The following TULP4 variants were observed in gnomAD, a reference collection of about 807,000 sequenced individuals.
TULP4 encodes TUB like protein 4.
A neutral mutation model predicts 129.0 loss-of-function variants in TULP4; 16 were observed. The ratio of observed to expected loss-of-function variants is 0.12; its 90% CI spans 0.08 to 0.19. The LOEUF is 0.19. Among genes scored for constraint, TULP4 ranks in the 10% least tolerant of loss-of-function variants. The pLI is 1.00. For synonymous variants in TULP4, 998 were observed against 854.0 expected, an observed-to-expected ratio of 1.17 and a Z score of -2.94; for missense variants, 1,842 against 2,059.1, an observed-to-expected ratio of 0.89 and a Z score of 2.04.
chr6:158,345,750 C>T (rs1440915710), intron 1 of TULP4, among the ~76,000 whole-genome samples: 1 of 152,186 alleles, frequency 6.6e-6, no homozygotes, highest in Non-Finnish European at 1.5e-5. Flanking sequence ...TCTTGATAAA[C>T]ATCTTAACAG....
chr6:158,415,673 A>T (rs1216834085), intron 2 of TULP4, among the ~76,000 whole-genome samples: 1 of 140,850 alleles, frequency 7.1e-6, no homozygotes, highest in Non-Finnish European at 1.5e-5. Flanking sequence ...TCTACTTATT[A>T]AAAAAAAAAA....
chr6:158,449,117 T>C lies in TULP4; in HGVS notation c.665T>C (p.Phe222Ser). 6.2e-7 allele frequency: 1 copy of C among 1,614,096 alleles called. No individual in the cohort carries two copies. Among genetic ancestry groups the C allele is most frequent in the South Asian group, 1.1e-5 (1 of 91,062 alleles). The change falls in exon 4 of 14, where the codon TTC (phenylalanine) becomes TCC (serine). Residue 222 changes from phenylalanine to serine, a missense_variant. Phe to Ser is a radical substitution (Grantham distance 155). This residue lies in a region of TULP4 where 456 missense variants were observed against 534.3 expected (regional missense o/e 0.85). Transcript: ENST00000367097. Reference protein sequence around the residue: ...VLGMSWNYPIFLVEDSSESDT... With the variant: ...VLGMSWNYPISLVEDSSESDT... ...GGCATGTCCTGGAACTACCCGATCT[T>C]CCTGGTGGAGGACAGCAGCGAGAGC...
At chr6:158,444,403 A>T (rs943121149) in intron 3 of TULP4, among the ~76,000 whole-genome samples, 1 of 151,962 alleles carries the variant, frequency 6.6e-6, no homozygotes, top group Non-Finnish European at 1.5e-5. Flanking sequence ...AGGGATTTGC[A>T]ATCAGTTTTT....
In TULP4 at chr6:158,300,398, T is replaced by C. The variant is rs973942672; in HGVS notation, n.117-11653T>C. 2.0e-4 allele frequency among the ~76,000 whole-genome samples: 31 copies of C among 152,316 alleles called. 1 individual carries two copies. Among genetic ancestry groups the C allele is most frequent in the Admixed American group, 1.9e-3 (29 of 15,296 alleles). ...AGTTTAAAGTAAACAATGCTAAATG[T>C]AACTGGGAGTGGGGAGTGGTTAAAT... On this transcript the variant is annotated intron_variant and non_coding_transcript_variant, in intron 1 of 1. Transcript: ENST00000432358.
chr6:158,363,731 C>G (rs992498441), intron 1 of TULP4, among the ~76,000 whole-genome samples: 1 of 151,982 alleles, frequency 6.6e-6, no homozygotes, highest in African/African-American at 2.4e-5. Flanking sequence ...GGTGATCCAC[C>G]CCCCCGGCCT....
intron 12 of TULP4, 62 bp downstream of exon 12, chr6:158,498,874 G>A (rs1387324788): frequency 4.4e-6 from 7 of 1,587,574 alleles, no homozygotes; most frequent in Non-Finnish European, 6.0e-6. Flanking sequence ...ATGCAAGGGG[G>A]ACAGAGCGGC....
intron 1 of TULP4, among the ~76,000 whole-genome samples, chr6:158,317,262 A>G (rs1779512546): frequency 6.6e-6 from 1 of 151,830 alleles, no homozygotes. Context: ...GGTTTGCTGC[A>G]CCCATTAACT....
intron 1 of TULP4, among the ~76,000 whole-genome samples, chr6:158,344,833 A>G (rs558945551): frequency 6.6e-6 from 1 of 152,382 alleles, no homozygotes; most frequent in South Asian, 2.1e-4. Flanking sequence ...TGAGGAAGAC[A>G]TATCTAAAGC....
At position 158,489,625 on chromosome 6, in the gene TULP4, C is replaced by T. The variant is rs1476653870; in HGVS notation, c.1524C>T (p.Ile508=). 23 of 1,614,028 alleles carry T rather than the reference C, an allele frequency of 1.4e-5. No homozygotes were observed. The highest frequency in any genetic ancestry group is 4.0e-5 in the African/African-American group (3 of 74,906). Residue 508 remains isoleucine (I), a synonymous_variant, in exon 9 of 14, where the codon ATC becomes ATT. Transcript: ENST00000367097. ...IYGNSLISTV[I]DSCNCSDSSD... is the part of the protein sequence containing the mutation. ...GGAACAGCTTGATTTCTACTGTGAT[C>T]GACAGCTGCAACTGCTCAGACTCCA...
At chr6:158,435,544 C>G (rs565095254) in intron 3 of TULP4, among the ~76,000 whole-genome samples, 10 of 152,158 alleles carry the variant, frequency 6.6e-5, no homozygotes, top group African/African-American at 2.4e-4. Flanking sequence ...CCATCCAACT[C>G]GGTCCCCCTT....
At chr6:158,294,737 C>T (rs185900008) in intron 1 of TULP4, among the ~76,000 whole-genome samples, 33 of 152,018 alleles carry the variant, frequency 2.2e-4, no homozygotes, top group Non-Finnish European at 4.4e-4. Flanking sequence ...TCTTCTTCTT[C>T]TTCTTTTTTT....
intron 1 of TULP4, among the ~76,000 whole-genome samples, chr6:158,403,868 G>A (rs563934160): frequency 3.9e-5 from 6 of 152,264 alleles, no homozygotes; most frequent in East Asian, 1.9e-4. Flanking sequence ...CGTGTGTGGC[G>A]TCTTTACATG....
At chr6:158,311,101 A>G (rs1779339782), upstream of TULP4, among the ~76,000 whole-genome samples, 1 of 152,156 alleles carries the variant, frequency 6.6e-6, no homozygotes, top group African/African-American at 2.4e-5. Flanking sequence ...AAGGCAAATT[A>G]TGTCCTAGTA....
In TULP4 at chr6:158,508,726, C is replaced by A. The variant is rs1780660412; in HGVS notation, c.*2032C>A. ...TGTCGTTTAGGAGATAATTATTTAT[C>A]TTGCTTTTCATAGTGTTCTTAGGAA... On this transcript the variant is annotated 3_prime_UTR_variant, in exon 14 of 14. Transcript: ENST00000367097. 6.6e-6 allele frequency: 1 copy of A among 152,418 alleles called. No individual in the cohort carries two copies. 9.4% of individuals were successfully genotyped at this position (152,418 alleles called of 1,614,324 possible). A position where few individuals can be genotyped will look rare whatever the true frequency, so the allele number is the denominator to read the frequency against.
chr6:158,336,557 GA>G (rs1324705011), intron 1 of TULP4, among the ~76,000 whole-genome samples: 1 of 152,202 alleles, frequency 6.6e-6, no homozygotes, highest in Non-Finnish European at 1.5e-5. Context: ...AAAAGACTCA[GA>G]AAAAAGAATA....
chr6:158,274,573 G>A (rs1053820503), intron 1 of TULP4, among the ~76,000 whole-genome samples: 3 of 152,090 alleles, frequency 2.0e-5, no homozygotes, highest in Non-Finnish European at 4.4e-5. Flanking sequence ...TCAGGAGATC[G>A]AGACCATCCT....
chr6:158,496,160 C>T (rs1780333721), intron 11 of TULP4, among the ~76,000 whole-genome samples: 1 of 152,226 alleles, frequency 6.6e-6, no homozygotes, highest in Non-Finnish European at 1.5e-5. Flanking sequence ...TTGCTCCCCG[C>T]ATCTTTCCCA....
At chr6:158,296,513 G>A (rs1779035405) in intron 1 of TULP4, among the ~76,000 whole-genome samples, 1 of 152,084 alleles carries the variant, frequency 6.6e-6, no homozygotes, top group South Asian at 2.1e-4. Context: ...AAGATCACAT[G>A]CTTCAAAGGG....
intron 8 of TULP4, among the ~76,000 whole-genome samples, chr6:158,485,205 A>C (rs2128252465): frequency 6.6e-6 from 1 of 152,364 alleles, no homozygotes; most frequent in South Asian, 2.1e-4. Context: ...TTTGTAAGCA[A>C]AGTGTTGAAG....
Sources: gnomAD v4.1 joint callset for allele counts (sites outside exome capture counted in the v4.1 genomes callset) on GRCh38, gnomAD v4.1.1 for gene constraint, gnomAD v4.1.1 regional missense constraint, MANE v1.5 for transcripts, NCBI Gene and HGNC (gene_info 2026-07-23, HGNC 2026-07-21) for gene names.